Variants in PRDM11 observed in about 807,000 individuals in gnomAD.
PRDM11 encodes the protein PR domain-containing protein 11.
Under a neutral mutation model 97.8 loss-of-function variants are expected in PRDM11, and 20 were observed. That is an observed-to-expected ratio of 0.20 (90% CI 0.14 to 0.30). PRDM11 has a LOEUF of 0.30. Among genes scored for constraint, PRDM11 ranks in the 10% least tolerant of loss-of-function variants. The pLI, the probability that PRDM11 is intolerant of heterozygous loss-of-function variation, is 1.00. For missense variants in PRDM11, 1,139 were observed against 1,555.2 expected (o/e 0.73, Z 4.50); for synonymous variants, 599 against 637.7 (o/e 0.94, Z 0.91).
chr11:45,143,721 G>A (rs1429213367), upstream of PRDM11, among the ~76,000 whole-genome samples: 1 of 152,142 alleles, frequency 6.6e-6, no homozygotes, highest in African/African-American at 2.4e-5. Context: ...CTCTGAACAT[G>A]GTTTCTCTGC....
At chr11:45,150,192 T>C (rs890095365) in intron 1 of PRDM11, among the ~76,000 whole-genome samples, 9 of 152,210 alleles carry the variant, frequency 5.9e-5, no homozygotes, top group Non-Finnish European at 1.2e-4. Context: ...CCTCTCCTGA[T>C]GAGGCCTCCT....
At position 45,183,107 on chromosome 11, in the gene PRDM11, G is replaced by T. The variant is rs748356884; in HGVS notation, c.470G>T (p.Gly157Val). Residue 157 changes from glycine to valine, a missense_variant, in exon 4 of 8, where the codon GGC becomes GTC. Transcript: ENST00000683152. ...GQISTQDKSA[G>V]FFSWLIVDKN... ...ATCTCCACCCAGGACAAATCAGCTG[G>T]CTTCTTCTCCTGGCTGGTGAGTGTG... 3 of 1,613,280 alleles carry T rather than the reference G, an allele frequency of 1.9e-6. No individual in the cohort carries two copies. Among genetic ancestry groups the T allele is most frequent in the East Asian group, 4.5e-5 (2 of 44,878 alleles).
chr11:45,174,092 G>C (rs146174659), intron 1 of PRDM11, among the ~76,000 whole-genome samples: 3 of 152,000 alleles, frequency 2.0e-5, no homozygotes, highest in African/African-American at 7.3e-5. Context: ...CATAGTTGTG[G>C]CTGGTTGGTT....
At chr11:45,097,923 G>A (rs924992183) in intron 1 of PRDM11, among the ~76,000 whole-genome samples, 5 of 152,248 alleles carry the variant, frequency 3.3e-5, no homozygotes, top group Admixed American at 6.5e-5. Flanking sequence ...CACAGGCACC[G>A]TCACGTCATT....
At chr11:45,211,628 C>G (rs1419565406) in intron 5 of PRDM11, among the ~76,000 whole-genome samples, 1 of 152,206 alleles carries the variant, frequency 6.6e-6, no homozygotes, top group African/African-American at 2.4e-5. Flanking sequence ...CTGCTCTGCA[C>G]TGTCCTGCCA....
rs900251887 is a variant in PRDM11 at position 45,231,292 on chromosome 11, A to G, written c.*3133A>G. The G allele has an allele frequency of 1.3e-5, 2 of 151,956 alleles. No individual in the cohort carries two copies. Among genetic ancestry groups the G allele is most frequent in the Non-Finnish European group, 2.9e-5 (2 of 68,022 alleles). 9.4% of individuals were successfully genotyped at this position (151,956 alleles called of 1,614,324 possible). A position where few individuals can be genotyped will look rare whatever the true frequency, so the allele number is the denominator to read the frequency against. ...ATTACCCATGATTTCTGTCATAGGC[A>G]TTTCCCACTCTTCTGCTTGCTTGAG... On this transcript the variant is annotated 3_prime_UTR_variant, in exon 8 of 8. Transcript: ENST00000683152.
chr11:45,131,044 T>C (rs772216085), intron 1 of PRDM11, among the ~76,000 whole-genome samples: 68 of 152,210 alleles, frequency 4.5e-4, no homozygotes, highest in Non-Finnish European at 9.6e-4. Flanking sequence ...TATAGTCATA[T>C]AATGGGGATA....
chr11:45,187,026 AG>A (rs139297762), intron 4 of PRDM11, among the ~76,000 whole-genome samples: 2,676 of 152,296 alleles, frequency 0.018, 86 homozygotes, highest in African/African-American at 0.062. Flanking sequence ...CCAGAGCACT[AG>A]GTCCTGAGCA....
chr11:45,148,211 T>A (rs1250228753), intron 1 of PRDM11, among the ~76,000 whole-genome samples: 2 of 152,168 alleles, frequency 1.3e-5, no homozygotes, highest in Admixed American at 1.3e-4. Context: ...GTATTCAGTT[T>A]AATGGAAAGG....
intron 5 of PRDM11, among the ~76,000 whole-genome samples, chr11:45,212,074 A>G (rs1853757867): frequency 6.6e-6 from 1 of 152,112 alleles, no homozygotes; most frequent in African/African-American, 2.4e-5. Flanking sequence ...TAACAACCCA[A>G]TTAGGTAGCC....
upstream of PRDM11, among the ~76,000 whole-genome samples, chr11:45,094,201 C>T (rs961144990): frequency 4.6e-5 from 7 of 152,302 alleles, no homozygotes; most frequent in African/African-American, 1.7e-4. Context: ...GAATGTGAGT[C>T]CCTTGTCCTC....
At chr11:45,190,130 C>T (rs549670020) in intron 4 of PRDM11, among the ~76,000 whole-genome samples, 7 of 151,752 alleles carry the variant, frequency 4.6e-5, no homozygotes, top group South Asian at 2.1e-4. Flanking sequence ...TACACACACA[C>T]GTGCACACAC....
At chr11:45,209,730 G>A (rs570082939) in intron 5 of PRDM11, among the ~76,000 whole-genome samples, 1 of 152,308 alleles carries the variant, frequency 6.6e-6, no homozygotes, top group East Asian at 1.9e-4. Flanking sequence ...AGGCTCTGCT[G>A]TCGCCATCTG....
Position 45,146,744 on chromosome 11 carries a change from GGGACCAGCGCGCCCGCAGC to G in PRDM11, c.-138_-120del, listed in dbSNP as rs1310740930. 1.3e-5 allele frequency: 2 copies of G among 148,558 alleles called. No individual in the cohort carries two copies. The highest frequency in any genetic ancestry group is 3.0e-5 in the Non-Finnish European group (2 of 66,762). 9.2% of individuals were successfully genotyped at this position (148,558 alleles called of 1,614,324 possible). A position where few individuals can be genotyped will look rare whatever the true frequency, so the allele number is the denominator to read the frequency against. ...CTGGCGCTGAAACTTTGCCTCGCCG[GGGACCAGCGCGCCCGCAGC>G]GCGGCCGCTCCCTCCGCGGGGGCCG... On this transcript the variant is annotated 5_prime_UTR_variant, in exon 1 of 8. Transcript: ENST00000683152.
intron 5 of PRDM11, chr11:45,209,412 C>G: frequency 3.3e-6 from 1 of 304,142 alleles, no homozygotes; most frequent in South Asian, 2.8e-5. Flanking sequence ...GTCCAGCCCA[C>G]TCTTTCCATC....
At chr11:45,173,190 C>T (rs950841329) in intron 1 of PRDM11, among the ~76,000 whole-genome samples, 3 of 152,052 alleles carry the variant, frequency 2.0e-5, no homozygotes, top group Non-Finnish European at 4.4e-5. Flanking sequence ...GGCAAAGGCT[C>T]GGTGTCTCTG....
intron 4 of PRDM11, among the ~76,000 whole-genome samples, chr11:45,197,312 G>A (rs1465948169): frequency 1.3e-5 from 2 of 152,158 alleles, no homozygotes; most frequent in Non-Finnish European, 2.9e-5. Flanking sequence ...CATAGAGACA[G>A]AGAGTAGAAT....
chr11:45,140,401 ATC>A (rs1565255599), intron 1 of PRDM11, among the ~76,000 whole-genome samples: 2 of 152,158 alleles, frequency 1.3e-5, no homozygotes, highest in Non-Finnish European at 2.9e-5. Flanking sequence ...CCTGGCCCAG[ATC>A]TCTATTCTTT....
At chr11:45,173,799 C>T (rs11038340) in intron 1 of PRDM11, among the ~76,000 whole-genome samples, 60,763 of 151,838 alleles carry the variant, frequency 0.4, 12,913 homozygotes, top group Non-Finnish European at 0.48. Context: ...CCAGTTCCTG[C>T]GGCTGCAAAA....
Sources: allele counts gnomAD v4.1 joint callset (sites outside exome capture counted in the v4.1 genomes callset), GRCh38; gene constraint gnomAD v4.1.1; transcripts MANE v1.5; gene names NCBI Gene and HGNC (gene_info 2026-07-23, HGNC 2026-07-21).